XCR1: variants seen among roughly 807,000 people sequenced by gnomAD.
The protein encoded by XCR1 is chemokine XC receptor 1.
For missense variants in XCR1, 356 were observed against 424.2 expected, an observed-to-expected ratio of 0.84 and a Z score of 1.41; for synonymous variants, 187 against 188.5, an observed-to-expected ratio of 0.99 and a Z score of 0.06.
upstream of XCR1, among the ~76,000 whole-genome samples, chr3:46,029,211 T>A (rs1195804495): frequency 1.3e-5 from 2 of 152,158 alleles, no homozygotes; most frequent in Admixed American, 6.5e-5. Flanking sequence ...GATTTTTTGT[T>A]TGTTTGTTTT....
Position 46,054,555 on chromosome 3 carries a change from G to A in XCR1, c.-182-485C>T, listed in dbSNP as rs539858559. 2.9e-4 allele frequency among the ~76,000 whole-genome samples: 44 copies of A among 151,808 alleles called. 1 individual carries two copies. In the South Asian group the frequency reaches 7.9e-3, roughly 27 times the overall value. On this transcript the variant is annotated intron_variant, in intron 4 of 5. Transcript: ENST00000683768. ...TGGACACTCAAAAGGACGAGGGGGG[G>A]GCGAGTGTGATGGATTACTGTTACC...
upstream of XCR1, among the ~76,000 whole-genome samples, chr3:46,031,270 A>G (rs1365418794): frequency 1.3e-5 from 2 of 152,224 alleles, no homozygotes; most frequent in South Asian, 2.1e-4. Flanking sequence ...GCATCTCTGC[A>G]CTGTCGGGGG....
rs1305042717 is a variant in XCR1, at chr3:46,018,993, G to A, written c.*1953C>T. The stretch of plus-strand genomic sequence containing the variant: ...CAGAGCCAAATCAGGTTCACAGATT[G>A]GGCCCAGGTCTTTGTGGCATGGCAA... On this transcript the variant is annotated 3_prime_UTR_variant, in exon 2 of 2. Transcript: ENST00000309285. 2 of 152,212 alleles carry A rather than the reference G, an allele frequency of 1.3e-5. No homozygotes were observed. Among genetic ancestry groups the A allele is most frequent in the East Asian group, 3.9e-4 (2 of 5,188 alleles). The allele number at this position is 152,212 out of a possible 1,614,324, so 9.4% of individuals were successfully genotyped here. A position where few individuals can be genotyped will look rare whatever the true frequency, so the allele number is the denominator to read the frequency against.
At chr3:46,066,217 C>CCCCCCT (rs1698068325) in intron 4 of XCR1, among the ~76,000 whole-genome samples, 1 of 150,196 alleles carries the variant, frequency 6.7e-6, no homozygotes, top group African/African-American at 2.5e-5. Context: ...TCCCTCCCTC[C>CCCCCCT]CTCGCTCTCT....
intron 4 of XCR1, among the ~76,000 whole-genome samples, chr3:46,056,701 G>A (rs2125900266): frequency 6.6e-6 from 1 of 151,414 alleles, no homozygotes; most frequent in Admixed American, 6.6e-5. Flanking sequence ...TGCTCAGGCT[G>A]GTCTCCAACT....
intron 5 of XCR1, among the ~76,000 whole-genome samples, chr3:46,042,018 T>C (rs1217475814): frequency 2.0e-5 from 3 of 152,234 alleles, no homozygotes; most frequent in Admixed American, 2.0e-4. Flanking sequence ...ACTGGCTTTC[T>C]GTGAGGTAAG....
At chr3:46,065,716 G>C (rs1379943493) in intron 4 of XCR1, among the ~76,000 whole-genome samples, 1 of 152,214 alleles carries the variant, frequency 6.6e-6, no homozygotes, top group African/African-American at 2.4e-5. Flanking sequence ...CTCAAGCAGA[G>C]CAAATTACTG....
In XCR1 at chr3:46,021,142, A is replaced by C. The variant is rs1472746844; in HGVS notation, c.806T>G (p.Leu269Arg). The change falls in exon 2 of 2, where the codon CTG becomes CGG. Residue 269 changes from leucine (L) to arginine (R), a missense_variant. By Grantham distance (102) the Leu-to-Arg change is moderately radical. Transcript: ENST00000309285. The surrounding 1 kb of genome is among the most constrained non-coding windows in gnomAD (Gnocchi z 4.7). ...CEAKQQLEYA[L>R]LICRNLAFSH... is the part of the protein sequence containing the mutation. The stretch of plus-strand genomic sequence containing the variant: ...GAAGGCGAGGTTGCGGCAGATGAGC[A>C]GGGCGTATTCTAGCTGCTGTTTGGC... 1 of 1,614,144 alleles carries C rather than the reference A, an allele frequency of 6.2e-7. No homozygotes were observed. The highest frequency in any genetic ancestry group is 1.3e-5 in the African/African-American group (1 of 74,952).
At position 46,021,522 on chromosome 3, in the gene XCR1, G is replaced by A. The variant is rs766785290; in HGVS notation, c.426C>T (p.Thr142=). Residue 142 remains threonine, a synonymous_variant, in exon 2 of 2, where the codon ACC becomes ACT. Coordinates refer to ENST00000309285, the MANE Select transcript of XCR1 (RefSeq NM_001024644.2). The surrounding 1 kb of genome is among the most constrained non-coding windows in gnomAD (Gnocchi z 4.7). ...TGGTCACCAGCACCCGGCAGCGGAG[G>A]GTGGGGACGCGCAGGGTGGAGAGGG... is the stretch of plus-strand genomic sequence containing the variant. The part of the protein sequence containing the change: ...VSPLSTLRVP[T]LRCRVLVTMA... The A allele has an allele frequency of 3.1e-6, 5 of 1,612,314 alleles. No homozygotes were observed. The highest frequency in any genetic ancestry group is 3.4e-6 in the Non-Finnish European group (4 of 1,179,074).
At chr3:46,025,412 TAAAGAAAG>T (rs375635954) in intron 1 of XCR1, among the ~76,000 whole-genome samples, 3 of 149,422 alleles carry the variant, frequency 2.0e-5, no homozygotes, top group African/African-American at 7.4e-5. Flanking sequence ...TCAAAAGAAA[TAAAGAAAG>T]AGAGAGAGAG....
chr3:46,025,972 T>C (rs1179027598), intron 1 of XCR1, among the ~76,000 whole-genome samples: 1 of 152,160 alleles, frequency 6.6e-6, no homozygotes, highest in East Asian at 1.9e-4. Context: ...AAGAATAATA[T>C]AACATGACCA....
chr3:46,020,998 G>A lies in XCR1; in HGVS notation c.950C>T (p.Ser317Leu), dbSNP rs529280793. 2.0e-5 allele frequency: 33 copies of A among 1,612,956 alleles called. No individual in the cohort carries two copies. The Middle Eastern group carries it at 6.6e-4, about 32-fold the overall frequency. ...FCRLQAPSPA[S>L]IPHSPGAFAY... is the part of the protein sequence containing the mutation. ...GAAGGCACCAGGGGAGTGGGGGATC[G>A]AGGCTGGGCTGGGTGCCTGCAGCCG... The change falls in exon 2 of 2, where the codon TCG (serine) becomes TTG (leucine). Residue 317 changes from serine to leucine, a missense_variant. Physicochemically the swap from Ser to Leu is moderately radical, Grantham distance 145. Coordinates refer to ENST00000309285, the MANE Select transcript of XCR1 (RefSeq NM_001024644.2).
chr3:46,033,971 G>GC (rs1697368996), intron 5 of XCR1, among the ~76,000 whole-genome samples: 1 of 149,572 alleles, frequency 6.7e-6, no homozygotes, highest in Non-Finnish European at 1.5e-5. Context: ...GTTCATTGCT[G>GC]TTTTTTTTTT....
At chr3:46,024,008 C>T in intron 1 of XCR1, 5 of 1,375,870 alleles carry the variant, frequency 3.6e-6, no homozygotes, top group Middle Eastern at 2.3e-4. Flanking sequence ...ACTGCTACAG[C>T]CTCCTCAACC....
chr3:46,048,567 G>A (rs1559487132), intron 5 of XCR1, among the ~76,000 whole-genome samples: 1 of 152,028 alleles, frequency 6.6e-6, no homozygotes, highest in Admixed American at 6.6e-5. Flanking sequence ...GGTTCCTCTA[G>A]TCTCCCATTA....
At chr3:46,023,858 A>G (rs1276914974) in intron 1 of XCR1, 24 of 1,528,700 alleles carry the variant, frequency 1.6e-5, no homozygotes, top group Non-Finnish European at 2.1e-5. Flanking sequence ...CTTGTGGCTG[A>G]GAATGAAAGA....
chr3:46,029,804 A>C (rs1708365003), upstream of XCR1, among the ~76,000 whole-genome samples: 1 of 151,824 alleles, frequency 6.6e-6, no homozygotes, highest in African/African-American at 2.4e-5. Flanking sequence ...GGGAACACTG[A>C]AAGTCCTTCT....
Position 46,020,379 on chromosome 3 carries a change from G to C in XCR1, c.*567C>G, listed in dbSNP as rs1240931451. ...GGATACAGAACATTTCTCCAGTCTA[G>C]TTGTGGATTTTTAGAATCCAGATAT... On this transcript the variant is annotated 3_prime_UTR_variant, in exon 2 of 2. Transcript: ENST00000309285. 1 of 153,210 alleles carries C rather than the reference G, an allele frequency of 6.5e-6. No homozygotes were observed. Among genetic ancestry groups the C allele is most frequent in the Admixed American group, 6.5e-5 (1 of 15,356 alleles). The allele number at this position is 153,210 out of a possible 1,614,324, so 9.5% of individuals were successfully genotyped here. A position where few individuals can be genotyped will look rare whatever the true frequency, so the allele number is the denominator to read the frequency against.
intron 3 of XCR1, among the ~76,000 whole-genome samples, chr3:46,070,958 A>G (rs1440028258): frequency 1.3e-5 from 2 of 151,786 alleles, no homozygotes; most frequent in African/African-American, 4.8e-5. Context: ...GTGAGTTTTT[A>G]TATTCTCATG....
Sources: allele counts gnomAD v4.1 joint callset (sites outside exome capture counted in the v4.1 genomes callset), GRCh38; gene constraint gnomAD v4.1.1; non-coding constraint Gnocchi (gnomAD v3.1); transcripts MANE v1.5; gene names NCBI Gene and HGNC (gene_info 2026-07-23, HGNC 2026-07-21).